The following FRAS1 variants were observed in gnomAD, a reference collection of about 807,000 sequenced individuals.
FRAS1 encodes the protein Fraser extracellular matrix complex subunit 1, also known as extracellular matrix organizing protein FRAS1.
Under a neutral mutation model 435.2 loss-of-function variants are expected in FRAS1, and 290 were observed. The ratio of observed to expected loss-of-function variants is 0.67; its 90% CI spans 0.61 to 0.73. The LOEUF is 0.73. Among genes scored for constraint, FRAS1 ranks in the 30% least tolerant of loss-of-function variants. The pLI is 0.00. For synonymous variants in FRAS1, 1,800 were observed against 1,851.0 expected (o/e 0.97, Z 0.71); for missense variants, 4,860 against 5,001.5 (o/e 0.97, Z 0.85).
chr4:78,295,155 C>T (rs899352039), intron 14 of FRAS1, among the ~76,000 whole-genome samples: 2 of 152,110 alleles, frequency 1.3e-5, no homozygotes, highest in Non-Finnish European at 2.9e-5. Flanking sequence ...AGCCAATCCT[C>T]TATGGTTTGA....
chr4:78,291,117 C>A (rs549781424), intron 14 of FRAS1, among the ~76,000 whole-genome samples: 1 of 152,318 alleles, frequency 6.6e-6, no homozygotes, highest in South Asian at 2.1e-4. Context: ...TTCTTTAACT[C>A]CACTCTTCAA....
Position 78,513,519 on chromosome 4 carries a change from T to G in FRAS1, c.10141T>G (p.Leu3381Val). 1 of 1,613,854 alleles carries G rather than the reference T, an allele frequency of 6.2e-7. No individual in the cohort carries two copies. Among genetic ancestry groups the G allele is most frequent in the Non-Finnish European group, 8.5e-7 (1 of 1,179,840 alleles). Residue 3381 changes from leucine to valine, a missense_variant, in exon 65 of 74, where the codon TTA (leucine) becomes GTA (valine). Leu to Val is a conservative substitution (Grantham distance 32, BLOSUM62 1). Transcript: ENST00000512123. Reference protein sequence around the residue: ...IYRHQHVCSNLVTTYDLRGIS... With the variant: ...IYRHQHVCSNVVTTYDLRGIS... ...CAGACACCAGCACGTCTGCTCCAATTTAGTTACCACCTATGACCTGAGAGG... is the reference window on the plus strand; with the variant it reads ...CAGACACCAGCACGTCTGCTCCAATGTAGTTACCACCTATGACCTGAGAGG...
intron 40 of FRAS1, among the ~76,000 whole-genome samples, chr4:78,440,625 T>C (rs1336628488): frequency 6.6e-6 from 1 of 152,230 alleles, no homozygotes; most frequent in Non-Finnish European, 1.5e-5. Context: ...AGTGATTTAT[T>C]TTCTTCCTTG....
intron 4 of FRAS1, among the ~76,000 whole-genome samples, chr4:78,247,740 A>C (rs2110127051): frequency 6.6e-6 from 1 of 152,270 alleles, no homozygotes; most frequent in East Asian, 1.9e-4. Context: ...CCTGCTGAAT[A>C]GCAGTGATCT....
chr4:78,419,643 A>G (rs745459909), intron 33 of FRAS1, among the ~76,000 whole-genome samples: 8 of 152,184 alleles, frequency 5.3e-5, no homozygotes, highest in Non-Finnish European at 1.2e-4. Flanking sequence ...TAATAAGCCT[A>G]TGCCTGTGTT....
At chr4:78,483,092 G>A (rs1394056644) in intron 58 of FRAS1, among the ~76,000 whole-genome samples, 4 of 152,226 alleles carry the variant, frequency 2.6e-5, no homozygotes, top group African/African-American at 9.6e-5. Context: ...TTGAGCATGG[G>A]AGGGGGTGAA....
chr4:78,059,582 A>G (rs912148228), intron 1 of FRAS1, among the ~76,000 whole-genome samples: 1 of 151,880 alleles, frequency 6.6e-6, no homozygotes, highest in Non-Finnish European at 1.5e-5. Context: ...AGGCCACCCA[A>G]ACCTGAACTT....
intron 42 of FRAS1, chr4:78,446,165 CGAGA>C (rs1718821762): frequency 1.0e-6 from 1 of 1,004,158 alleles, no homozygotes; most frequent in Non-Finnish European, 1.2e-6. Context: ...CTTGCTCTAC[CGAGA>C]GAGAGACACA....
At chr4:78,108,919 C>T in intron 2 of FRAS1, among the ~76,000 whole-genome samples, 1 of 113,594 alleles carries the variant, frequency 8.8e-6, no homozygotes, top group African/African-American at 3.7e-5. Flanking sequence ...AAGGGGATAT[C>T]ACCACCGATC....
chr4:78,249,048 G>GCATATATATATATGCATATATATATATGC (rs1553934018), intron 4 of FRAS1, among the ~76,000 whole-genome samples: 70 of 27,518 alleles, frequency 2.5e-3, no homozygotes, highest in African/African-American at 5.7e-3. Flanking sequence ...AAGAACTACT[G>GCATATATATATATGCATATATATATATGC]ATATATATAT....
rs17429467 is a variant in FRAS1 at position 78,512,068 on chromosome 4, G to C, written c.10013+562G>C. 3.6e-3 allele frequency among the ~76,000 whole-genome samples: 549 copies of C among 152,214 alleles called. 4 individuals are homozygous for C. Among genetic ancestry groups the C allele is most frequent in the African/African-American group, 0.012 (511 of 41,530 alleles). On this transcript the variant is annotated intron_variant, in intron 64 of 73. Coordinates refer to ENST00000512123, the MANE Select transcript of FRAS1 (RefSeq NM_025074.7). Reference sequence around the variant, plus strand: ...CAGTATAGTGCTTCTTGGCATCTAAGAGGCACTCCTAAATATCTACTGAAC... The same window carrying C: ...CAGTATAGTGCTTCTTGGCATCTAACAGGCACTCCTAAATATCTACTGAAC...
intron 29 of FRAS1, among the ~76,000 whole-genome samples, chr4:78,388,113 C>T (rs1272587119): frequency 6.6e-6 from 1 of 151,888 alleles, no homozygotes; most frequent in African/African-American, 2.4e-5. Context: ...ATCACGAGGT[C>T]AGGAGATCAA....
chr4:78,530,144 G>T (rs892181081), intron 70 of FRAS1, among the ~76,000 whole-genome samples: 11 of 151,958 alleles, frequency 7.2e-5, no homozygotes, highest in African/African-American at 2.4e-4. Flanking sequence ...CTATTACAAA[G>T]AAAATTCTTA....
Position 78,526,568 on chromosome 4 carries a change from C to G in FRAS1, c.10836C>G (p.Ile3612Met). Reference protein sequence around the residue: ...NRKDYSGEYTIYLIPCTVQPT... With the variant: ...NRKDYSGEYTMYLIPCTVQPT... ...AGGACTACTCAGGAGAGTACACCATCTACCTGATCCCTTGCACAGTGCAGC... is the reference window on the plus strand; with the variant it reads ...AGGACTACTCAGGAGAGTACACCATGTACCTGATCCCTTGCACAGTGCAGC... Residue 3612 changes from isoleucine to methionine, a missense_variant, in exon 70 of 74, where the codon ATC becomes ATG. By Grantham distance (10) the Ile-to-Met change is conservative (BLOSUM62 1). Coordinates refer to ENST00000512123, the MANE Select transcript of FRAS1 (RefSeq NM_025074.7). The G allele has an allele frequency of 6.2e-7, 1 of 1,600,172 alleles. No homozygotes were observed.
At chr4:78,120,607 C>T (rs192599194) in intron 2 of FRAS1, among the ~76,000 whole-genome samples, 7 of 152,130 alleles carry the variant, frequency 4.6e-5, no homozygotes, top group Non-Finnish European at 7.4e-5. Flanking sequence ...AACCACAGCC[C>T]AGGCCAGTCT....
chr4:78,131,420 C>T (rs1305651692), intron 2 of FRAS1, among the ~76,000 whole-genome samples: 1 of 152,206 alleles, frequency 6.6e-6, no homozygotes, highest in Non-Finnish European at 1.5e-5. Flanking sequence ...TCTTGATTCT[C>T]ACCCATAACT....
chr4:78,447,370 T>A (rs193139926), intron 43 of FRAS1, among the ~76,000 whole-genome samples: 1 of 151,586 alleles, frequency 6.6e-6, no homozygotes, highest in African/African-American at 2.4e-5. Context: ...TTCTTTTTTT[T>A]AAGAGCCATC....
chr4:78,062,055 C>G (rs547568278), intron 1 of FRAS1, among the ~76,000 whole-genome samples: 38 of 152,292 alleles, frequency 2.5e-4, no homozygotes, highest in African/African-American at 8.9e-4. Context: ...CTGGGCATTA[C>G]TCTCCTTATA....
intron 37 of FRAS1, 147 bp from the exon 38 acceptor site, chr4:78,432,210 C>A: frequency 1.6e-6 from 1 of 621,090 alleles, no homozygotes; most frequent in African/African-American, 1.9e-5. Flanking sequence ...AAAGGGAATC[C>A]TATAGTAGGT....
Sources: allele counts gnomAD v4.1 joint callset (sites outside exome capture counted in the v4.1 genomes callset), GRCh38; gene constraint gnomAD v4.1.1; transcripts MANE v1.5; gene names NCBI Gene and HGNC (gene_info 2026-07-23, HGNC 2026-07-21).